The following DDX39B variants were observed in gnomAD, a reference collection of about 807,000 sequenced individuals.
The protein encoded by DDX39B is DExD-box helicase 39B.
In DDX39B, 6 loss-of-function variants were observed where a neutral mutation model predicts 46.4. That is an observed-to-expected ratio of 0.13 (90% CI 0.07 to 0.26). The LOEUF is 0.26. DDX39B is among the 10% of genes least tolerant of loss of function. The pLI is 1.00. For synonymous variants in DDX39B, 174 were observed against 199.4 expected, an observed-to-expected ratio of 0.87 and a Z score of 1.07; for missense variants, 185 against 553.4, an observed-to-expected ratio of 0.33 and a Z score of 6.68.
At chr6:31,539,494 C>G (rs1312053110) in intron 2 of DDX39B, among the ~76,000 whole-genome samples, 1 of 152,210 alleles carries the variant, frequency 6.6e-6, no homozygotes, top group Non-Finnish European at 1.5e-5. Context: ...TCCTCCAGAT[C>G]TAGGCCTTCC....
rs537570934 is a variant in DDX39B at position 31,540,946 on chromosome 6, A to C, written c.-132-282T>G. ...CTTATAAATTCTTGATCTGAAAGTA[A>C]CAGTGAGGAAATAGAATAGATAATA... On this transcript the variant is annotated intron_variant, in intron 1 of 10. Coordinates refer to ENST00000396172, the MANE Select transcript of DDX39B (RefSeq NM_004640.7). 525 of 417,744 alleles carry C rather than the reference A, an allele frequency of 1.3e-3. 3 individuals carry two copies. The highest frequency in any genetic ancestry group is 2.2e-3 in the Non-Finnish European group (468 of 216,178). 25.9% of individuals were successfully genotyped at this position (417,744 alleles called of 1,614,324 possible). A position where few individuals can be genotyped will look rare whatever the true frequency, so the allele number is the denominator to read the frequency against.
intron 4 of DDX39B, among the ~76,000 whole-genome samples, chr6:31,538,506 C>T (rs925012723): frequency 6.6e-6 from 1 of 152,144 alleles, no homozygotes; most frequent in Non-Finnish European, 1.5e-5. Context: ...AAGTTTCCGG[C>T]TTTCTCTGCC....
At position 31,534,754 on chromosome 6, in the gene DDX39B, C is replaced by T; in HGVS notation, c.735+613G>A. ...TCCCTCGCCGCGCCACGGTGCTTCT[C>T]TGTTGCCGGCTCACATCAACCGAGG... On this transcript the variant is annotated intron_variant, in intron 6 of 10. Transcript: ENST00000396172. The surrounding 1 kb of genome is among the most constrained non-coding windows in gnomAD (Gnocchi z 5.1). The T allele has an allele frequency of 2.9e-6, 1 of 344,352 alleles. No homozygotes were observed. Among genetic ancestry groups the T allele is most frequent in the Non-Finnish European group, 5.7e-6 (1 of 175,248 alleles). The allele number at this position is 344,352 out of a possible 1,614,324, so 21.3% of individuals were successfully genotyped here. A position where few individuals can be genotyped will look rare whatever the true frequency, so the allele number is the denominator to read the frequency against.
Position 31,542,003 on chromosome 6 carries a change from T to C in DDX39B, c.-186A>G. 1 of 681,326 alleles carries C rather than the reference T, an allele frequency of 1.5e-6. No homozygotes were observed. The highest frequency in any genetic ancestry group is 2.7e-6 in the Non-Finnish European group (1 of 368,386). The allele number at this position is 681,326 out of a possible 1,614,324, so 42.2% of individuals were successfully genotyped here. The stretch of plus-strand genomic sequence containing the variant: ...GCAACAGCGACGAAGGAGGGAAATC[T>C]GCCTTCACTTCCGGTTGCAGGCTTC... On this transcript the variant is annotated 5_prime_UTR_variant, in exon 1 of 11. Coordinates refer to ENST00000396172, the MANE Select transcript of DDX39B (RefSeq NM_004640.7).
chr6:31,534,598 G>A lies in DDX39B; in HGVS notation c.735+769C>T, dbSNP rs903094914. ...CTCCCCAACACATATTGGGGGAAAC[G>A]GGGCACGGCACGCGTTGGGTTCAGG... is the stretch of plus-strand genomic sequence containing the variant. On this transcript the variant is annotated intron_variant, in intron 6 of 10. Coordinates refer to ENST00000396172, the MANE Select transcript of DDX39B (RefSeq NM_004640.7). This position sits in a 1 kb window ranked among gnomAD's most constrained non-coding sequence, Gnocchi z 5.1. The A allele has an allele frequency of 6.0e-5, 26 of 434,262 alleles. 1 individual carries two copies. Among genetic ancestry groups the A allele is most frequent in the South Asian group, 1.7e-4 (10 of 59,706 alleles). 26.9% of individuals were successfully genotyped at this position (434,262 alleles called of 1,614,324 possible).
In DDX39B at chr6:31,535,507, T is replaced by C. The variant is rs191731842; in HGVS notation, c.617-22A>G. The C allele has an allele frequency of 2.7e-4, 437 of 1,591,958 alleles. 1 individual carries two copies. Among genetic ancestry groups the C allele is most frequent in the Non-Finnish European group, 3.3e-4 (385 of 1,162,316 alleles). On this transcript the variant is annotated intron_variant, in intron 5 of 10. Transcript: ENST00000396172. The surrounding 1 kb of genome is among the most constrained non-coding windows in gnomAD (Gnocchi z 4.6). The stretch of plus-strand genomic sequence containing the variant: ...ATGTCTACAAGAACAAGGAAAAAAA[T>C]TGTAGGAGAAAATAAGCAGGTATGA...
chr6:31,539,061 T>G, intron 3 of DDX39B, 86 bp downstream of exon 3: 1 of 1,610,154 alleles, frequency 6.2e-7, no homozygotes, highest in Non-Finnish European at 8.5e-7. Context: ...CTCATGGCTC[T>G]GCAAGCATCA....
In DDX39B at chr6:31,532,913, TGGGGGGGAGGAAGG is replaced by T; in HGVS notation, c.736-16_736-3del. ...ATCATCCACGAAGATCTCCATTGGC[TGGGGGGGAGGAAGG>T]GGGTGGGGAACGGGAGGAGGGCAGA... On this transcript the variant is annotated splice_polypyrimidine_tract_variant and splice_region_variant and intron_variant, in intron 6 of 10. Transcript: ENST00000396172. The T allele has an allele frequency of 2.3e-6, 1 of 443,422 alleles. No homozygotes were observed. Among genetic ancestry groups the T allele is most frequent in the Non-Finnish European group, 3.4e-6 (1 of 293,168 alleles). 27.5% of individuals were successfully genotyped at this position (443,422 alleles called of 1,614,324 possible).
Position 31,531,826 on chromosome 6 carries a change from C to G in DDX39B, c.868-421G>C, listed in dbSNP as rs3853601. 0.12 allele frequency: 21,086 copies of G among 172,498 alleles called. 1,457 individuals are homozygous for G. The highest frequency in any genetic ancestry group is 0.17 in the African/African-American group (7,139 of 41,730). The allele number at this position is 172,498 out of a possible 1,614,324, so 10.7% of individuals were successfully genotyped here. A position where few individuals can be genotyped will look rare whatever the true frequency, so the allele number is the denominator to read the frequency against. On this transcript the variant is annotated intron_variant, in intron 7 of 10. Transcript: ENST00000396172. This position sits in a 1 kb window ranked among gnomAD's most constrained non-coding sequence, Gnocchi z 5.8. ...ACCACTCACAAGTATATTAATTAAA[C>G]ACTTTTTTGAGATGGGGTCTCACTC... is the stretch of plus-strand genomic sequence containing the variant.
chr6:31,541,307 A>G (rs934382029), intron 1 of DDX39B: 1 of 450,758 alleles, frequency 2.2e-6, no homozygotes, highest in Non-Finnish European at 4.6e-6. Context: ...GCCACAAAAA[A>G]ACAAAATTCA....
In DDX39B at chr6:31,534,746, G is replaced by T. The variant is rs1424245463; in HGVS notation, c.735+621C>A. The T allele has an allele frequency of 2.9e-6, 1 of 346,158 alleles. No homozygotes were observed. Among genetic ancestry groups the T allele is most frequent in the African/African-American group, 2.1e-5 (1 of 46,588 alleles). The allele number at this position is 346,158 out of a possible 1,614,324, so 21.4% of individuals were successfully genotyped here. ...GTCTGCATTCCCTCGCCGCGCCACG[G>T]TGCTTCTCTGTTGCCGGCTCACATC... On this transcript the variant is annotated intron_variant, in intron 6 of 10. Transcript: ENST00000396172. This position sits in a 1 kb window ranked among gnomAD's most constrained non-coding sequence, Gnocchi z 5.1.
chr6:31,531,319 G>A lies in DDX39B; in HGVS notation c.954C>T (p.His318=). Residue 318 remains histidine (H), a synonymous_variant, in exon 8 of 11, where the codon CAC becomes CAT. Coordinates refer to ENST00000396172, the MANE Select transcript of DDX39B (RefSeq NM_004640.7). The surrounding 1 kb of genome is among the most constrained non-coding windows in gnomAD (Gnocchi z 5.8). ...VEQNFPAIAI[H]RGMPQEERLS... is the part of the protein sequence containing the mutation. ...ACCTCTCCTCCTGGGGCATCCCACG[G>A]TGGATGGCAATGGCTGGGAAGTTCT... 6.2e-7 allele frequency: 1 copy of A among 1,614,126 alleles called. No individual in the cohort carries two copies. Among genetic ancestry groups the A allele is most frequent in the African/African-American group, 1.3e-5 (1 of 75,010 alleles).
intron 3 of DDX39B, 111 bp downstream of exon 3, chr6:31,539,035 TA>T: frequency 6.3e-7 from 1 of 1,585,258 alleles, no homozygotes; most frequent in Non-Finnish European, 8.7e-7. Flanking sequence ...TTGTCAAGGG[TA>T]ACAGAGGTCA....
rs578054708 is a variant in DDX39B at position 31,541,965 on chromosome 6, G to A, written c.-148C>T. The A allele has an allele frequency of 4.5e-6, 3 of 672,726 alleles. No homozygotes were observed. Among genetic ancestry groups the A allele is most frequent in the African/African-American group, 1.8e-5 (1 of 56,736 alleles). 41.7% of individuals were successfully genotyped at this position (672,726 alleles called of 1,614,324 possible). A position where few individuals can be genotyped will look rare whatever the true frequency, so the allele number is the denominator to read the frequency against. On this transcript the variant is annotated 5_prime_UTR_variant, in exon 1 of 11. Coordinates refer to ENST00000396172, the MANE Select transcript of DDX39B (RefSeq NM_004640.7). Reference sequence around the variant, plus strand: ...CAAAGCTTACCTAAACAGGGAGAGCGCGTATGGCGGCAGCAACAGCGACGA... The same window carrying A: ...CAAAGCTTACCTAAACAGGGAGAGCACGTATGGCGGCAGCAACAGCGACGA...
At position 31,540,550 on chromosome 6, in the gene DDX39B, A is replaced by T. The variant is rs1768291342; in HGVS notation, c.-18T>A. 1 of 1,613,142 alleles carries T rather than the reference A, an allele frequency of 6.2e-7. No homozygotes were observed. Among genetic ancestry groups the T allele is most frequent in the African/African-American group, 1.3e-5 (1 of 74,894 alleles). ...TCTGCCATAACTGGGCCGGCAGGGG[A>T]AGAAGGGAAGGGGGATCTGGATGGG... On this transcript the variant is annotated 5_prime_UTR_variant, in exon 2 of 11. Transcript: ENST00000396172.
chr6:31,539,312 A>C, intron 2 of DDX39B, 38 bp from the exon 3 acceptor site: 1 of 1,601,724 alleles, frequency 6.2e-7, no homozygotes, highest in Non-Finnish European at 8.5e-7. Flanking sequence ...ATTAGACTTC[A>C]GTCTCCAGAT....
Position 31,531,241 on chromosome 6 carries a change from C to G in DDX39B, c.978-44G>C, listed in dbSNP as rs1562403274. The G allele has an allele frequency of 4.3e-6, 7 of 1,614,050 alleles. No homozygotes were observed. The highest frequency in any genetic ancestry group is 5.9e-6 in the Non-Finnish European group (7 of 1,179,926). On this transcript the variant is annotated intron_variant, in intron 8 of 10. Coordinates refer to ENST00000396172, the MANE Select transcript of DDX39B (RefSeq NM_004640.7). The surrounding 1 kb of genome is among the most constrained non-coding windows in gnomAD (Gnocchi z 5.8). ...TTAAAACATGTTGAGATTCCCTTCT[C>G]TCAACTGTCTTTTTCTCCCAAGGAC...
At chr6:31,539,304 TAG>T in intron 2 of DDX39B, 30 bp from the exon 3 acceptor site, 1 of 1,603,980 alleles carries the variant, frequency 6.2e-7, no homozygotes, top group South Asian at 1.1e-5. Flanking sequence ...GAAGATAAAT[TAG>T]ACTTCAGTCT....
Position 31,531,232 on chromosome 6 carries a change from T to G in DDX39B, c.978-35A>C. On this transcript the variant is annotated intron_variant, in intron 8 of 10. Transcript: ENST00000396172. This position sits in a 1 kb window ranked among gnomAD's most constrained non-coding sequence, Gnocchi z 5.8. ...AAAGGAAATTTAAAACATGTTGAGA[T>G]TCCCTTCTCTCAACTGTCTTTTTCT... The G allele has an allele frequency of 6.2e-7, 1 of 1,613,944 alleles. No homozygotes were observed. Among genetic ancestry groups the G allele is most frequent in the South Asian group, 1.1e-5 (1 of 91,066 alleles).
Sources: allele counts gnomAD v4.1 joint callset (sites outside exome capture counted in the v4.1 genomes callset), GRCh38; gene constraint gnomAD v4.1.1; non-coding constraint Gnocchi (gnomAD v3.1); transcripts MANE v1.5; gene names NCBI Gene and HGNC (gene_info 2026-07-23, HGNC 2026-07-21).